The following PLCXD3 variants were observed in gnomAD, a reference collection of about 807,000 sequenced individuals.
PLCXD3 encodes the protein PI-PLC X domain-containing protein 3.
Under a neutral mutation model 25.5 loss-of-function variants are expected in PLCXD3, and 19 were observed. The ratio of observed to expected loss-of-function variants is 0.75; its 90% confidence interval spans 0.52 to 1.09. PLCXD3 has a LOEUF of 1.09. Among genes scored for constraint, PLCXD3 ranks in the 50% least tolerant of loss-of-function variants. The pLI is 0.00. For synonymous variants in PLCXD3, 174 were observed against 137.6 expected (o/e 1.26, Z -1.85); for missense variants, 411 against 388.1 (o/e 1.06, Z -0.50).
At chr5:41,506,661 T>C (rs1404391434) in intron 1 of PLCXD3, among the ~76,000 whole-genome samples, 1 of 152,158 alleles carries the variant, frequency 6.6e-6, no homozygotes, top group Non-Finnish European at 1.5e-5. Context: ...GGATGACTGT[T>C]AGGGGAAGAA....
chr5:41,334,947 T>C (rs1197797583), intron 2 of PLCXD3, among the ~76,000 whole-genome samples: 2 of 152,170 alleles, frequency 1.3e-5, no homozygotes, highest in East Asian at 3.9e-4. Flanking sequence ...AATGAAAGAA[T>C]AAAGAAAGCT....
intron 1 of PLCXD3, among the ~76,000 whole-genome samples, chr5:41,448,085 A>G (rs318074): frequency 0.86 from 130,839 of 152,212 alleles, 56,486 homozygotes; most frequent in Middle Eastern, 0.9. Flanking sequence ...GCTCTTAAAC[A>G]CCATAAAGAG....
At chr5:41,395,135 C>G (rs1252835615) in intron 1 of PLCXD3, among the ~76,000 whole-genome samples, 2 of 151,984 alleles carry the variant, frequency 1.3e-5, no homozygotes, top group African/African-American at 4.8e-5. Flanking sequence ...CTTCTCTGAC[C>G]ACATTGGAAT....
In PLCXD3 at chr5:41,309,798, G is replaced by A. The variant is rs956859254; in HGVS notation, c.*3819C>T. ...AATTGAGAATTTAGATAGACTGTTC[G>A]TGCCAGGCATTTTCTATTTCTGATG... is the stretch of plus-strand genomic sequence containing the variant. On this transcript the variant is annotated 3_prime_UTR_variant, in exon 3 of 3. Transcript: ENST00000377801. The A allele has an allele frequency of 1.4e-4, 22 of 152,070 alleles. No homozygotes were observed. Among genetic ancestry groups the A allele is most frequent in the South Asian group, 6.2e-4 (3 of 4,824 alleles). The allele number at this position is 152,070 out of a possible 1,614,324, so 9.4% of individuals were successfully genotyped here.
chr5:41,373,552 G>A (rs1290324213), intron 2 of PLCXD3, among the ~76,000 whole-genome samples: 1 of 152,010 alleles, frequency 6.6e-6, no homozygotes, highest in East Asian at 1.9e-4. Flanking sequence ...AGTTTCTACT[G>A]GAGGCTACAT....
intron 2 of PLCXD3, among the ~76,000 whole-genome samples, chr5:41,320,238 G>T (rs967294938): frequency 2.0e-5 from 3 of 151,724 alleles, no homozygotes; most frequent in Non-Finnish European, 4.4e-5. Flanking sequence ...GAGGAGGAGG[G>T]AATATTTCCA....
At chr5:41,488,780 G>GT (rs1748580356) in intron 1 of PLCXD3, among the ~76,000 whole-genome samples, 1 of 146,790 alleles carries the variant, frequency 6.8e-6, no homozygotes, top group Non-Finnish European at 1.5e-5. Context: ...GGGGTTGTTT[G>GT]TTTTTTTCTT....
At chr5:41,409,897 A>G (rs1474903021) in intron 1 of PLCXD3, among the ~76,000 whole-genome samples, 2 of 152,236 alleles carry the variant, frequency 1.3e-5, no homozygotes, top group African/African-American at 4.8e-5. Context: ...AGAAGTATTA[A>G]CTTTTATTAT....
rs1743059415 is a variant in PLCXD3, at chr5:41,308,806, T to C, written c.*4811A>G. 6.6e-6 allele frequency: 1 copy of C among 152,270 alleles called. No homozygotes were observed. Among genetic ancestry groups the C allele is most frequent in the African/African-American group, 2.4e-5 (1 of 41,458 alleles). 9.4% of individuals were successfully genotyped at this position (152,270 alleles called of 1,614,324 possible). A position where few individuals can be genotyped will look rare whatever the true frequency, so the allele number is the denominator to read the frequency against. On this transcript the variant is annotated 3_prime_UTR_variant, in exon 3 of 3. Transcript: ENST00000377801. ...GGGAAGGTCAACTTTAAAGGTGTACTGGTTCTATTGTTGATGAAAACAAAT... is the reference window on the plus strand; with the variant it reads ...GGGAAGGTCAACTTTAAAGGTGTACCGGTTCTATTGTTGATGAAAACAAAT...
intron 2 of PLCXD3, among the ~76,000 whole-genome samples, chr5:41,372,294 TCTCTCACA>T (rs1190647947): frequency 5.2e-4 from 70 of 133,348 alleles, no homozygotes; most frequent in African/African-American, 1.9e-3. Context: ...TCTCTCTCTC[TCTCTCACA>T]CACACACACA....
chr5:41,420,522 T>C (rs1447304943), intron 1 of PLCXD3, among the ~76,000 whole-genome samples: 3 of 152,196 alleles, frequency 2.0e-5, no homozygotes, highest in Non-Finnish European at 2.9e-5. Context: ...ACATGAAAGA[T>C]GCAAAGGAAT....
chr5:41,322,081 G>A (rs1743488558), intron 2 of PLCXD3, among the ~76,000 whole-genome samples: 2 of 152,116 alleles, frequency 1.3e-5, no homozygotes, highest in Admixed American at 1.3e-4. Context: ...GGACAAATGG[G>A]ATCACATCAA....
intron 1 of PLCXD3, among the ~76,000 whole-genome samples, chr5:41,502,464 A>G (rs1326142685): frequency 3.3e-5 from 5 of 152,060 alleles, no homozygotes; most frequent in African/African-American, 1.2e-4. Flanking sequence ...ATGTGCTTTA[A>G]TACAATGGAG....
intron 2 of PLCXD3, among the ~76,000 whole-genome samples, chr5:41,340,851 T>G (rs1348122168): frequency 6.6e-6 from 1 of 152,186 alleles, no homozygotes; most frequent in African/African-American, 2.4e-5. Flanking sequence ...TATTTGAAAA[T>G]ATTTTTAATT....
chr5:41,328,687 T>C (rs77172370), intron 2 of PLCXD3, among the ~76,000 whole-genome samples: 18,648 of 152,080 alleles, frequency 0.12, 1,228 homozygotes, highest in Non-Finnish European at 0.13. Context: ...CAGGGAAGCC[T>C]ACAGGAATCA....
chr5:41,487,506 AT>A (rs1748545287), intron 1 of PLCXD3, among the ~76,000 whole-genome samples: 1 of 152,218 alleles, frequency 6.6e-6, no homozygotes, highest in African/African-American at 2.4e-5. Flanking sequence ...AAGGTCCTGA[AT>A]TTGAAGAGCT....
At chr5:41,323,944 T>C (rs1009210337) in intron 2 of PLCXD3, among the ~76,000 whole-genome samples, 2 of 152,086 alleles carry the variant, frequency 1.3e-5, no homozygotes, top group Non-Finnish European at 2.9e-5. Flanking sequence ...TGAGGTGACT[T>C]TGGAACACAT....
chr5:41,376,181 T>C (rs1340707802), intron 2 of PLCXD3, among the ~76,000 whole-genome samples: 2 of 152,094 alleles, frequency 1.3e-5, no homozygotes, highest in African/African-American at 2.4e-5. Context: ...GGGCTGCCCA[T>C]CATCCAACTC....
chr5:41,490,217 G>C (rs1391016684), intron 1 of PLCXD3, among the ~76,000 whole-genome samples: 1 of 152,172 alleles, frequency 6.6e-6, no homozygotes. Flanking sequence ...CTTTGGTTCT[G>C]TTTATATGCT....
Sources: allele counts gnomAD v4.1 joint callset (sites outside exome capture counted in the v4.1 genomes callset), GRCh38; gene constraint gnomAD v4.1.1; transcripts MANE v1.5; gene names NCBI Gene and HGNC (gene_info 2026-07-23, HGNC 2026-07-21).